ARSG: variants seen among roughly 807,000 people sequenced by gnomAD.
ARSG encodes the protein ASG.
ARSG carries 37 observed loss-of-function variants against 50.5 expected under a neutral mutation model. The ratio of observed to expected loss-of-function variants is 0.73; its 90% confidence interval spans 0.56 to 0.96. The LOEUF (loss-of-function observed/expected upper bound fraction) is 0.96, where lower values mean the gene tolerates loss of function less well. Among genes scored for constraint, ARSG ranks in the 50% least tolerant of loss-of-function variants. The pLI is 0.00. For missense variants in ARSG, 629 were observed against 675.3 expected (o/e 0.93, Z 0.76); for synonymous variants, 225 against 254.6 (o/e 0.88, Z 1.11).
At chr17:68,322,340 G>A (rs569562547) in intron 2 of ARSG, among the ~76,000 whole-genome samples, 7 of 152,136 alleles carry the variant, frequency 4.6e-5, no homozygotes, top group Admixed American at 1.3e-4. Context: ...AGAAATGTAC[G>A]ATAGCTGGCC....
chr17:68,331,237 C>CTTTCTTTCTTTCTTTCTTTG lies in ARSG; in HGVS notation c.219-12348_219-12347insGTTTCTTTCTTTCTTTCTTT, dbSNP rs1568477883. 4.0e-3 allele frequency among the ~76,000 whole-genome samples: 290 copies of CTTTCTTTCTTTCTTTCTTTG among 72,774 alleles called. 7 individuals carry two copies. The highest frequency in any genetic ancestry group is 4.9e-3 in the Non-Finnish European group (175 of 35,992). 47.7% of individuals were successfully genotyped at this position (72,774 alleles called of 152,430 possible). A position where few individuals can be genotyped will look rare whatever the true frequency, so the allele number is the denominator to read the frequency against. On this transcript the variant is annotated intron_variant, in intron 2 of 11. Coordinates refer to ENST00000621439, the MANE Select transcript of ARSG (RefSeq NM_001267727.2). ...TCTTTCTTTCTTTCTTTCTTTGTTT[C>CTTTCTTTCTTTCTTTCTTTG]TTTCTTTCTTTCTTTCTTTCTTTCT...
chr17:68,405,554 C>T (rs1387194988), intron 11 of ARSG, among the ~76,000 whole-genome samples: 1 of 152,018 alleles, frequency 6.6e-6, no homozygotes, highest in African/African-American at 2.4e-5. Flanking sequence ...TGCTGAATTC[C>T]TTTATTAGTT....
downstream of ARSG, chr17:68,426,241 G>GTT (rs1177906829): frequency 9.0e-7 from 1 of 1,107,564 alleles, no homozygotes; most frequent in Non-Finnish European, 1.3e-6. Context: ...GACCTGGCGG[G>GTT]TGGGGAGCGG....
chr17:68,335,186 G>T lies in ARSG; in HGVS notation c.219-8418G>T, dbSNP rs140078790. 1.1e-4 allele frequency among the ~76,000 whole-genome samples: 17 copies of T among 152,042 alleles called. 1 individual carries two copies. The highest frequency in any genetic ancestry group is 3.9e-4 in the African/African-American group (16 of 41,512). ...TAATTTTTAAATATTTTGTAGAGAC[G>T]GGAGTCTCCCTATATTGCCCAGGCT... On this transcript the variant is annotated intron_variant, in intron 2 of 11. Coordinates refer to ENST00000621439, the MANE Select transcript of ARSG (RefSeq NM_001267727.2).
At chr17:68,426,247 A>AGGGGGGGG, downstream of ARSG, 3 of 655,812 alleles carry the variant, frequency 4.6e-6, no homozygotes, top group East Asian at 4.3e-5. Flanking sequence ...GCGGGTGGGG[A>AGGGGGGGG]GCGGGGGCTC....
chr17:68,343,463 C>T lies in ARSG; in HGVS notation c.219-141C>T, dbSNP rs182028387. Reference sequence around the variant, plus strand: ...TGAGCCACCGCGCCTGGCCAGAAATCCCATTTCCTGACTTGTTCCATGACT... The same window carrying T: ...TGAGCCACCGCGCCTGGCCAGAAATTCCATTTCCTGACTTGTTCCATGACT... On this transcript the variant is annotated intron_variant, in intron 2 of 11. Transcript: ENST00000621439. 124 of 878,710 alleles carry T rather than the reference C, an allele frequency of 1.4e-4. No individual in the cohort carries two copies. In the African/African-American group the frequency reaches 1.8e-3, roughly 13 times the overall value. 54.4% of individuals were successfully genotyped at this position (878,710 alleles called of 1,614,324 possible).
intron 11 of ARSG, among the ~76,000 whole-genome samples, chr17:68,417,973 G>A (rs192157894): frequency 0.017 from 2,559 of 151,604 alleles, 79 homozygotes; most frequent in African/African-American, 0.059. Context: ...CTCATGATCC[G>A]CCTGCCTCAA....
chr17:68,271,695 A>G lies in ARSG; in HGVS notation c.-552+12269A>G, dbSNP rs9910901. On this transcript the variant is annotated intron_variant, in intron 1 of 11. Coordinates refer to the ARSG transcript ENST00000448504. The surrounding 1 kb of genome is among the most constrained non-coding windows in gnomAD (Gnocchi z 5.3). Reference sequence around the variant, plus strand: ...GTGAAGAAGAAATAATATAAGGTCAATAATGGACTCAAGACCCAGGAGAAG... The same window carrying G: ...GTGAAGAAGAAATAATATAAGGTCAGTAATGGACTCAAGACCCAGGAGAAG... 0.011 allele frequency: 16,516 copies of G among 1,524,302 alleles called. 1,370 individuals carry two copies. In the African/African-American group the frequency reaches 0.19, roughly 18 times the overall value. 94.4% of individuals were successfully genotyped at this position (1,524,302 alleles called of 1,614,324 possible).
intron 1 of ARSG, among the ~76,000 whole-genome samples, chr17:68,304,556 A>C (rs782749579): frequency 6.6e-6 from 1 of 152,194 alleles, no homozygotes; most frequent in Non-Finnish European, 1.5e-5. Flanking sequence ...GGATTGATCA[A>C]TTGGGTTGGC....
chr17:68,331,188 T>TCTTC (rs2077729615), intron 2 of ARSG, among the ~76,000 whole-genome samples: 1 of 36,676 alleles, frequency 2.7e-5, no homozygotes, highest in South Asian at 1.2e-3. Flanking sequence ...TTTCTTTCTT[T>TCTTC]CTTTCTTTCT....
intron 9 of ARSG, among the ~76,000 whole-genome samples, chr17:68,393,943 A>AT (rs1337692011): frequency 2.0e-5 from 3 of 151,022 alleles, no homozygotes; most frequent in Non-Finnish European, 2.9e-5. Context: ...TGAATCTTCT[A>AT]TTTTTTTGTT....
intron 6 of ARSG, among the ~76,000 whole-genome samples, chr17:68,359,197 C>T (rs1187833653): frequency 6.6e-6 from 1 of 151,972 alleles, no homozygotes; most frequent in Non-Finnish European, 1.5e-5. Flanking sequence ...ACAAAACTAC[C>T]CCAAAACCCA....
intron 2 of ARSG, 37 bp from the exon 3 acceptor site, chr17:68,343,567 G>C: frequency 6.5e-7 from 1 of 1,530,736 alleles, no homozygotes; most frequent in Non-Finnish European, 8.8e-7. Context: ...GGCTTCCTGT[G>C]GTTGGTGCGG....
chr17:68,377,641 C>T (rs528688788), intron 8 of ARSG, among the ~76,000 whole-genome samples: 1 of 152,288 alleles, frequency 6.6e-6, no homozygotes, highest in South Asian at 2.1e-4. Context: ...TTCTTCATTC[C>T]TGGCTGAAAC....
chr17:68,333,049 G>A (rs1200286259), intron 2 of ARSG, among the ~76,000 whole-genome samples: 1 of 152,218 alleles, frequency 6.6e-6, no homozygotes, highest in East Asian at 1.9e-4. Context: ...AGTGGCTCAC[G>A]CCTGTAATCC....
chr17:68,321,058 C>T (rs2077263549), intron 2 of ARSG, among the ~76,000 whole-genome samples: 3 of 151,976 alleles, frequency 2.0e-5, no homozygotes, highest in South Asian at 2.1e-4. Context: ...CTTAGGAGGC[C>T]ACCCAGGAGG....
At chr17:68,387,170 C>G (rs1326403778) in intron 9 of ARSG, among the ~76,000 whole-genome samples, 1 of 151,486 alleles carries the variant, frequency 6.6e-6, no homozygotes, top group Non-Finnish European at 1.5e-5. Flanking sequence ...ACTCTGTTGC[C>G]CAGACTGTAG....
intron 1 of ARSG, chr17:68,266,974 C>T (rs1568399197): frequency 6.6e-6 from 1 of 151,976 alleles, no homozygotes; most frequent in Non-Finnish European, 1.5e-5. Context: ...CTTTAATTGC[C>T]TCAAACACTG....
intron 3 of ARSG, chr17:68,346,773 G>C (rs1436132149): frequency 7.7e-7 from 1 of 1,302,828 alleles, no homozygotes; most frequent in East Asian, 5.2e-5. Context: ...TGCCTTTGCA[G>C]GGCCCCAGCG....
Sources: gnomAD v4.1 joint callset for allele counts (sites outside exome capture counted in the v4.1 genomes callset) on GRCh38, gnomAD v4.1.1 for gene constraint, Gnocchi (gnomAD v3.1) non-coding constraint, MANE v1.5 for transcripts, NCBI Gene and HGNC (gene_info 2026-07-23, HGNC 2026-07-21) for gene names.